Variants in DCLK1 observed in about 807,000 individuals in gnomAD.
DCLK1 encodes the protein doublecortin like kinase 1, also known as serine/threonine-protein kinase DCLK1.
DCLK1 carries 16 observed loss-of-function variants against 86.2 expected under a neutral mutation model. The ratio of observed to expected loss-of-function variants is 0.19; its 90% CI spans 0.13 to 0.28. The LOEUF (loss-of-function observed/expected upper bound fraction) is 0.28, where lower values mean the gene tolerates loss of function less well. Among genes scored for constraint, DCLK1 ranks in the 10% least tolerant of loss-of-function variants. The pLI, the probability that DCLK1 is intolerant of heterozygous loss-of-function variation, is 1.00. For missense variants in DCLK1, 590 were observed against 940.2 expected, an observed-to-expected ratio of 0.63 and a Z score of 4.87; for synonymous variants, 369 against 370.5, an observed-to-expected ratio of 1.00 and a Z score of 0.05.
chr13:36,057,930 T>C (rs1179781144), intron 3 of DCLK1, among the ~76,000 whole-genome samples: 2 of 152,204 alleles, frequency 1.3e-5, no homozygotes, highest in African/African-American at 4.8e-5. Flanking sequence ...ATACTATGAC[T>C]TCTGCCCTCA....
intron 16 of DCLK1, among the ~76,000 whole-genome samples, chr13:35,791,600 C>G (rs2086709549): frequency 6.6e-6 from 1 of 152,092 alleles, no homozygotes; most frequent in Non-Finnish European, 1.5e-5. Flanking sequence ...ATAGGATTTC[C>G]CCTCAAATAT....
chr13:35,994,575 C>A (rs1880392071), intron 3 of DCLK1, among the ~76,000 whole-genome samples: 1 of 152,202 alleles, frequency 6.6e-6, no homozygotes, highest in African/African-American at 2.4e-5. Flanking sequence ...AGGCAGCCAA[C>A]TGGTGAGGTT....
At chr13:35,997,380 G>A (rs1022211377) in intron 3 of DCLK1, among the ~76,000 whole-genome samples, 4 of 152,182 alleles carry the variant, frequency 2.6e-5, no homozygotes, top group Admixed American at 6.5e-5. Flanking sequence ...AATCATCGTA[G>A]AGCAGAAATC....
intron 16 of DCLK1, among the ~76,000 whole-genome samples, chr13:35,783,416 C>A (rs2086564607): frequency 6.6e-6 from 1 of 152,054 alleles, no homozygotes; most frequent in Non-Finnish European, 1.5e-5. Flanking sequence ...GTGGATAACA[C>A]TCTTCACCTT....
chr13:35,842,905 T>C (rs1420822592), intron 6 of DCLK1, among the ~76,000 whole-genome samples: 2 of 152,232 alleles, frequency 1.3e-5, no homozygotes, highest in Non-Finnish European at 2.9e-5. Context: ...CACCAATTCT[T>C]CACTAAACCA....
intron 6 of DCLK1, chr13:35,847,285 C>T: frequency 1.0e-6 from 1 of 985,114 alleles, no homozygotes; most frequent in Non-Finnish European, 1.2e-6. Flanking sequence ...TTTAAACATG[C>T]CCCAACTAAT....
chr13:35,791,122 T>G (rs1013679615), intron 16 of DCLK1, among the ~76,000 whole-genome samples: 2 of 152,174 alleles, frequency 1.3e-5, no homozygotes, highest in Admixed American at 1.3e-4. Flanking sequence ...TAAAACAATC[T>G]CTGAAATCTA....
chr13:35,958,261 C>CCACCAGT (rs1878228812), intron 3 of DCLK1, among the ~76,000 whole-genome samples: 1 of 34,092 alleles, frequency 2.9e-5, no homozygotes, highest in African/African-American at 1.1e-4. Context: ...ACTACCACTA[C>CCACCAGT]TATAACCATT....
chr13:35,942,192 A>G (rs529557996), intron 4 of DCLK1, among the ~76,000 whole-genome samples: 4 of 151,974 alleles, frequency 2.6e-5, no homozygotes, highest in African/African-American at 9.7e-5. Context: ...TTTGAGACGG[A>G]GTCTTGATCT....
intron 4 of DCLK1, among the ~76,000 whole-genome samples, chr13:35,879,820 T>G (rs1483195324): frequency 6.6e-6 from 1 of 152,190 alleles, no homozygotes; most frequent in Non-Finnish European, 1.5e-5. Context: ...TCATTTGCAC[T>G]TTTTTGTGCC....
chr13:35,854,887 CT>C (rs1363341571), intron 5 of DCLK1, among the ~76,000 whole-genome samples: 2 of 152,146 alleles, frequency 1.3e-5, no homozygotes, highest in African/African-American at 4.8e-5. Context: ...CCAGCAGGGA[CT>C]TTAGGAATGT....
chr13:35,958,259 T>TATAACCACCACCACCACCACC (rs1593768784), intron 3 of DCLK1, among the ~76,000 whole-genome samples: 1 of 22,324 alleles, frequency 4.5e-5, no homozygotes, highest in African/African-American at 3.4e-4. Context: ...CCACTACCAC[T>TATAACCACCACCACCACCACC]ACTATAACCA....
intron 1 of DCLK1, among the ~76,000 whole-genome samples, chr13:36,130,908 G>A (rs1045094097): frequency 5.9e-5 from 9 of 152,100 alleles, no homozygotes; most frequent in Non-Finnish European, 1.0e-4. Flanking sequence ...CAGCCCCGGG[G>A]CCGCCCGCAC....
chr13:35,809,110 GA>G lies in DCLK1; in HGVS notation c.1689-16del, dbSNP rs1341547069. 1 of 1,607,186 alleles carries G rather than the reference GA, an allele frequency of 6.2e-7. No homozygotes were observed. The highest frequency in any genetic ancestry group is 2.2e-5 in the East Asian group (1 of 44,752). ...TGAGGCCGTATCTGGAAAAATAAGG[GA>G]TGTTAGAGTTAGGAGGGTCAGGCTC... is the stretch of plus-strand genomic sequence containing the variant. On this transcript the variant is annotated splice_polypyrimidine_tract_variant and intron_variant, in intron 12 of 16. Transcript: ENST00000360631.
At chr13:35,911,303 A>G (rs1875016324) in intron 4 of DCLK1, among the ~76,000 whole-genome samples, 1 of 151,980 alleles carries the variant, frequency 6.6e-6, no homozygotes, top group Non-Finnish European at 1.5e-5. Flanking sequence ...AAAAAAAAAA[A>G]AAAAGAACTG....
intron 16 of DCLK1, among the ~76,000 whole-genome samples, chr13:35,785,376 G>A (rs1361743505): frequency 6.6e-6 from 1 of 152,124 alleles, no homozygotes; most frequent in East Asian, 1.9e-4. Context: ...GCAGCAGGGG[G>A]AAATGGTGGC....
chr13:35,797,843 C>T (rs2086843371), intron 15 of DCLK1, among the ~76,000 whole-genome samples: 1 of 152,074 alleles, frequency 6.6e-6, no homozygotes, highest in African/African-American at 2.4e-5. Context: ...TGTCATGCAT[C>T]AATAAAATAA....
At chr13:35,785,503 G>T (rs955874736) in intron 16 of DCLK1, among the ~76,000 whole-genome samples, 1 of 152,146 alleles carries the variant, frequency 6.6e-6, no homozygotes, top group African/African-American at 2.4e-5. Flanking sequence ...AGTGAAGGAT[G>T]CTGCTCCCTT....
intron 16 of DCLK1, chr13:35,788,144 A>G: frequency 1.4e-6 from 2 of 1,424,318 alleles, no homozygotes; most frequent in South Asian, 1.1e-5. Flanking sequence ...CACCGAAGGA[A>G]CTGGTTAATG....
Sources: gnomAD v4.1 joint callset for allele counts (sites outside exome capture counted in the v4.1 genomes callset) on GRCh38, gnomAD v4.1.1 for gene constraint, MANE v1.5 for transcripts, NCBI Gene and HGNC (gene_info 2026-07-23, HGNC 2026-07-21) for gene names.